The following MEGF6 variants were observed in gnomAD, a reference collection of about 807,000 sequenced individuals.
The protein encoded by MEGF6 is multiple EGF like domains 6.
Under a neutral mutation model 207.1 loss-of-function variants are expected in MEGF6, and 184 were observed. The ratio of observed to expected loss-of-function variants is 0.89; its 90% CI spans 0.79 to 1.00. The LOEUF (loss-of-function observed/expected upper bound fraction) is 1.00, where lower values mean the gene tolerates loss of function less well. MEGF6 is among the 50% of genes least tolerant of loss of function. The pLI, the probability that MEGF6 is intolerant of heterozygous loss-of-function variation, is 0.00. For synonymous variants in MEGF6, 1,038 were observed against 910.0 expected (o/e 1.14, Z -2.53); for missense variants, 2,282 against 2,202.9 (o/e 1.04, Z -0.72).
chr1:3,580,095 C>T lies in MEGF6; in HGVS notation c.377-166G>A, dbSNP rs545687525. Among the ~76,000 whole-genome samples, 8 of 152,210 alleles carry T rather than the reference C, an allele frequency of 5.3e-5. 1 individual carries two copies. The South Asian group carries it at 1.4e-3, about 28-fold the overall frequency. On this transcript the variant is annotated intron_variant, in intron 3 of 36. Coordinates refer to ENST00000356575, the MANE Select transcript of MEGF6 (RefSeq NM_001409.4). ...TTGCCCGGCCACCAATGGAGGCTGG[C>T]GTGTCCCCAAACTCCAGCCACGGCC...
At chr1:3,606,295 G>T (rs1162185375) in intron 1 of MEGF6, among the ~76,000 whole-genome samples, 1 of 152,170 alleles carries the variant, frequency 6.6e-6, no homozygotes, top group Non-Finnish European at 1.5e-5. Flanking sequence ...TCTGGGGGTG[G>T]GGCCCAGCAT....
rs1469089253 is a variant in MEGF6 at position 3,488,441 on chromosome 1, C to G, written c.*2087G>C. On this transcript the variant is annotated 3_prime_UTR_variant, in exon 37 of 37. Transcript: ENST00000356575. ...GGGGAGTAATGGTGATATTCTGACT[C>G]TCTGAATTCCTAGGCCATTTGGGAA... is the stretch of plus-strand genomic sequence containing the variant. Among the ~76,000 whole-genome samples, 1 of 152,196 alleles carries G rather than the reference C, an allele frequency of 6.6e-6. No homozygotes were observed. The highest frequency in any genetic ancestry group is 1.5e-5 in the Non-Finnish European group (1 of 68,044).
chr1:3,491,433 A>T (rs928124008), intron 35 of MEGF6, among the ~76,000 whole-genome samples: 1 of 152,116 alleles, frequency 6.6e-6, no homozygotes, highest in Non-Finnish European at 1.5e-5. Context: ...TCCCTGCACC[A>T]GCGCACAGGC....
At chr1:3,591,062 G>A (rs933904553) in intron 3 of MEGF6, among the ~76,000 whole-genome samples, 1 of 152,172 alleles carries the variant, frequency 6.6e-6, no homozygotes, top group Non-Finnish European at 1.5e-5. Context: ...CAGAGGCAGA[G>A]CCTCCCAGGG....
rs374274993 is a variant in MEGF6, at chr1:3,602,557, G to C, written c.175C>G (p.Arg59Gly). 1.9e-6 allele frequency: 3 copies of C among 1,612,186 alleles called. No homozygotes were observed. Among genetic ancestry groups the C allele is most frequent in the African/African-American group, 1.3e-5 (1 of 74,900 alleles). ...AEQELTLVGR[R>G]QPCVQALSHT... is the part of the protein sequence containing the mutation. ...CTTAAGGCCTGCACGCACGGCTGGC[G>C]GCGGCCCACCAGGGTCAGCTCCTGC... The change falls in exon 2 of 37, where the codon CGC becomes GGC. Residue 59 changes from arginine (R) to glycine (G), a missense_variant. By Grantham distance (125) the Arg-to-Gly change is moderately radical. Coordinates refer to ENST00000356575, the MANE Select transcript of MEGF6 (RefSeq NM_001409.4).
At position 3,551,669 on chromosome 1, in the gene MEGF6, G is replaced by A. The variant is rs543182623; in HGVS notation, c.482-27423C>T. On this transcript the variant is annotated intron_variant, in intron 4 of 36. Transcript: ENST00000356575. ...CACAGGGGACAGGAGACAGCACCCCGCCAACCCTCCCCACACACCCCTCTG... is the reference window on the plus strand; with the variant it reads ...CACAGGGGACAGGAGACAGCACCCCACCAACCCTCCCCACACACCCCTCTG... Among the ~76,000 whole-genome samples, 19 of 152,182 alleles carry A rather than the reference G, an allele frequency of 1.2e-4. No homozygotes were observed. In the South Asian group the frequency reaches 2.3e-3, roughly 18 times the overall value.
At chr1:3,498,081 A>G in intron 26 of MEGF6, among the ~76,000 whole-genome samples, 1 of 152,126 alleles carries the variant, frequency 6.6e-6, no homozygotes, top group South Asian at 2.1e-4. Flanking sequence ...TGCAGGAAAC[A>G]GGAACGGCCC....
Position 3,488,802 on chromosome 1 carries a change from G to A in MEGF6, c.*1726C>T, listed in dbSNP as rs1212336758. On this transcript the variant is annotated 3_prime_UTR_variant, in exon 37 of 37. Transcript: ENST00000356575. ...CATTGATGTTCTTCAAGGTCTTATG[G>A]CTTTTTTATGTTATTTTTCCACCTT... Among the ~76,000 whole-genome samples, 1 of 152,126 alleles carries A rather than the reference G, an allele frequency of 6.6e-6. No homozygotes were observed. The highest frequency in any genetic ancestry group is 1.9e-4 in the East Asian group (1 of 5,188).
the MEGF6 span, chr1:3,624,289 GC>G: frequency 6.6e-6 from 1 of 152,524 alleles, no homozygotes; most frequent in Admixed American, 6.5e-5. Flanking sequence ...GGGAGCTGGG[GC>G]TAGCGCAGGG....
At chr1:3,540,414 A>G (rs945915137) in intron 4 of MEGF6, among the ~76,000 whole-genome samples, 1 of 152,200 alleles carries the variant, frequency 6.6e-6, no homozygotes, top group Admixed American at 6.5e-5. Flanking sequence ...GCCCAGATTC[A>G]GCCACCCACA....
chr1:3,579,801 T>G, intron 4 of MEGF6, 24 bp downstream of exon 4: 1 of 1,442,996 alleles, frequency 6.9e-7, no homozygotes, highest in Non-Finnish European at 9.1e-7. Flanking sequence ...GCCAGGGCCT[T>G]GGTCCCCCAG....
At chr1:3,513,431 T>A (rs1641424256) in intron 7 of MEGF6, among the ~76,000 whole-genome samples, 1 of 150,490 alleles carries the variant, frequency 6.6e-6, no homozygotes, top group Non-Finnish European at 1.5e-5. Context: ...ACCATCATGC[T>A]CAGCTAGTTG....
intron 3 of MEGF6, among the ~76,000 whole-genome samples, chr1:3,587,886 C>A (rs61762200): frequency 0.15 from 688 of 4,740 alleles, 75 homozygotes; most frequent in East Asian, 0.32. Context: ...CCAGGAGTGG[C>A]CAGGAGGGGG....
Position 3,565,924 on chromosome 1 carries a change from C to A in MEGF6, c.481+13901G>T, listed in dbSNP as rs975919674. 1.3e-5 allele frequency among the ~76,000 whole-genome samples: 2 copies of A among 152,186 alleles called. No homozygotes were observed. The highest frequency in any genetic ancestry group is 2.9e-5 in the Non-Finnish European group (2 of 68,004). ...TGCAGTGGGGATCCAGCTTCCTCCT[C>A]CCTGAGACCTCAGGGTCAGCTGCTA... On this transcript the variant is annotated intron_variant, in intron 4 of 36. Coordinates refer to ENST00000356575, the MANE Select transcript of MEGF6 (RefSeq NM_001409.4). This position sits in a 1 kb window ranked among gnomAD's most constrained non-coding sequence, Gnocchi z 4.8.
At chr1:3,515,642 CT>C in intron 5 of MEGF6, 115 bp from the exon 6 acceptor site, 3 of 1,251,524 alleles carry the variant, frequency 2.4e-6, no homozygotes, top group South Asian at 2.8e-5. Flanking sequence ...TGTAGGACCC[CT>C]CCCAGCCACT....
At chr1:3,537,833 G>C (rs1642381499) in intron 4 of MEGF6, among the ~76,000 whole-genome samples, 1 of 152,196 alleles carries the variant, frequency 6.6e-6, no homozygotes, top group Non-Finnish European at 1.5e-5. Flanking sequence ...CAAAAGTGCT[G>C]GTCCATGCAC....
At chr1:3,576,636 C>T (rs923732734) in intron 4 of MEGF6, among the ~76,000 whole-genome samples, 1 of 151,950 alleles carries the variant, frequency 6.6e-6, no homozygotes, top group South Asian at 2.1e-4. Context: ...GCAGCACCCC[C>T]TCAGCCCTGG....
chr1:3,500,535 A>G, intron 21 of MEGF6, 98 bp downstream of exon 21: 1 of 1,437,736 alleles, frequency 7.0e-7, no homozygotes, highest in Non-Finnish European at 9.2e-7. Flanking sequence ...TGCGTGCAGG[A>G]GGGAGTACGG....
chr1:3,533,803 G>A (rs565115468), intron 4 of MEGF6, among the ~76,000 whole-genome samples: 7 of 152,316 alleles, frequency 4.6e-5, no homozygotes, highest in Admixed American at 2.0e-4. Context: ...AACAGGCGAC[G>A]GGGCTGGGGT....
Sources: gnomAD v4.1 joint callset for allele counts (sites outside exome capture counted in the v4.1 genomes callset) on GRCh38, gnomAD v4.1.1 for gene constraint, Gnocchi (gnomAD v3.1) non-coding constraint, MANE v1.5 for transcripts, NCBI Gene and HGNC (gene_info 2026-07-23, HGNC 2026-07-21) for gene names.